The following RETREG1 variants were observed in gnomAD, a reference collection of about 807,000 sequenced individuals.
The protein encoded by RETREG1 is family with sequence similarity 134 member B.
Under a neutral mutation model 54.8 loss-of-function variants are expected in RETREG1, and 44 were observed. That is an observed-to-expected ratio of 0.80 (90% confidence interval 0.63 to 1.03). The LOEUF is 1.03. RETREG1 is among the 50% of genes least tolerant of loss of function. RETREG1 has a pLI of 0.00. For missense variants in RETREG1, 554 were observed against 605.1 expected, an observed-to-expected ratio of 0.92 and a Z score of 0.89; for synonymous variants, 217 against 238.5, an observed-to-expected ratio of 0.91 and a Z score of 0.83.
intron 3 of RETREG1, among the ~76,000 whole-genome samples, chr5:16,542,258 G>A (rs1741271899): frequency 1.3e-5 from 2 of 152,176 alleles, no homozygotes; most frequent in South Asian, 4.1e-4. Flanking sequence ...GAGCTTTAAT[G>A]GTAGAGTTTT....
chr5:16,489,305 A>C (rs1345666537), intron 3 of RETREG1, among the ~76,000 whole-genome samples: 1 of 152,148 alleles, frequency 6.6e-6, no homozygotes, highest in Non-Finnish European at 1.5e-5. Context: ...ATAGTTATCA[A>C]AACAATGTTT....
chr5:16,501,216 T>C (rs1739696455), intron 3 of RETREG1, among the ~76,000 whole-genome samples: 1 of 152,218 alleles, frequency 6.6e-6, no homozygotes, highest in African/African-American at 2.4e-5. Flanking sequence ...ATAAAGTAGG[T>C]ATTATTATGC....
intron 1 of RETREG1, among the ~76,000 whole-genome samples, chr5:16,613,362 A>C (rs1276878431): frequency 6.6e-6 from 1 of 152,210 alleles, no homozygotes; most frequent in East Asian, 1.9e-4. Context: ...ATTCTTATCC[A>C]CTGAGGTTTA....
At chr5:16,507,782 C>T (rs1218071138) in intron 3 of RETREG1, among the ~76,000 whole-genome samples, 2 of 152,172 alleles carry the variant, frequency 1.3e-5, no homozygotes, top group Non-Finnish European at 2.9e-5. Context: ...TAGAGAGTTA[C>T]CAGTTTCCAC....
At chr5:16,598,613 C>T (rs907587413) in intron 1 of RETREG1, among the ~76,000 whole-genome samples, 3 of 152,220 alleles carry the variant, frequency 2.0e-5, no homozygotes, top group Non-Finnish European at 4.4e-5. Context: ...TCTGTTCCTT[C>T]CCATAGTAGC....
chr5:16,586,026 A>G (rs1742617739), intron 1 of RETREG1, among the ~76,000 whole-genome samples: 1 of 152,220 alleles, frequency 6.6e-6, no homozygotes, highest in African/African-American at 2.4e-5. Context: ...TCAGCTAGCC[A>G]TAAGTTAAAT....
chr5:16,564,701 G>A (rs1017519720), intron 3 of RETREG1, among the ~76,000 whole-genome samples: 1 of 152,098 alleles, frequency 6.6e-6, no homozygotes, highest in African/African-American at 2.4e-5. Flanking sequence ...CAGGGATCAC[G>A]TTTCTCTTCT....
chr5:16,518,085 CTATG>C (rs1740415278), intron 3 of RETREG1, among the ~76,000 whole-genome samples: 3 of 147,610 alleles, frequency 2.0e-5, no homozygotes, highest in Admixed American at 6.8e-5. Flanking sequence ...TATCTACATA[CTATG>C]TATATTTATA....
At chr5:16,486,058 A>G (rs950475569) in intron 3 of RETREG1, among the ~76,000 whole-genome samples, 1 of 152,212 alleles carries the variant, frequency 6.6e-6, no homozygotes. Context: ...TTTTTGGGAC[A>G]ATAAATTTCA....
chr5:16,523,746 G>A (rs762663599), intron 3 of RETREG1, among the ~76,000 whole-genome samples: 15 of 151,992 alleles, frequency 9.9e-5, no homozygotes, highest in Non-Finnish European at 1.0e-4. Context: ...AGTATTTGGT[G>A]GCTTGCAAGG....
Position 16,509,137 on chromosome 5 carries a change from C to T in RETREG1, c.459-25665G>A, listed in dbSNP as rs1740087704. The T allele has an allele frequency of 3.6e-6, 2 of 560,970 alleles. 1 individual carries two copies. Among genetic ancestry groups the T allele is most frequent in the South Asian group, 1.5e-4 (2 of 13,074 alleles). 34.7% of individuals were successfully genotyped at this position (560,970 alleles called of 1,614,324 possible). On this transcript the variant is annotated intron_variant, in intron 3 of 8. Coordinates refer to ENST00000306320, the MANE Select transcript of RETREG1 (RefSeq NM_001034850.3). ...CCCTGGGCTATCAAATCTCCTCCTTCAAGTCACAGGAGGGAGTTGGAGAGC... is the reference window on the plus strand; with the variant it reads ...CCCTGGGCTATCAAATCTCCTCCTTTAAGTCACAGGAGGGAGTTGGAGAGC...
At chr5:16,577,551 G>C (rs59179622) in intron 1 of RETREG1, among the ~76,000 whole-genome samples, 4,838 of 152,066 alleles carry the variant, frequency 0.032, 231 homozygotes, top group African/African-American at 0.11. Flanking sequence ...GGAGCTCGTC[G>C]GAAAGGCAGC....
Position 16,616,914 on chromosome 5 carries a change from C to A in RETREG1, c.58G>T (p.Glu20Ter). Residue 20 changes from glutamate to a stop codon, truncating the protein, a stop_gained, in exon 1 of 9, where the codon GAG becomes TAG. Transcript: ENST00000306320. LOFTEE classifies it high-confidence loss of function. The part of the protein sequence containing the change: ...AEEGCPAPAA[E>*]EQAPPSPPPP... ...GGCGGCGACGGCGGCGCCTGCTCCT[C>A]GGCGGCAGGAGCCGGGCATCCCTCC... 6.8e-7 allele frequency: 1 copy of A among 1,477,810 alleles called. No individual in the cohort carries two copies. Among genetic ancestry groups the A allele is most frequent in the Non-Finnish European group, 8.9e-7 (1 of 1,121,484 alleles). The allele number at this position is 1,477,810 out of a possible 1,614,324, so 91.5% of individuals were successfully genotyped here.
At chr5:16,541,564 G>A in intron 3 of RETREG1, among the ~76,000 whole-genome samples, 1 of 152,120 alleles carries the variant, frequency 6.6e-6, no homozygotes, top group African/African-American at 2.4e-5. Context: ...GCAGGCACCT[G>A]TAACCCCAGC....
At chr5:16,482,723 C>T (rs573415395) in intron 4 of RETREG1, among the ~76,000 whole-genome samples, 2 of 152,186 alleles carry the variant, frequency 1.3e-5, no homozygotes, top group East Asian at 1.9e-4. Context: ...GCTATCAAGA[C>T]AGTTGATCAG....
chr5:16,538,879 T>G (rs955558795), intron 3 of RETREG1, among the ~76,000 whole-genome samples: 1 of 152,170 alleles, frequency 6.6e-6, no homozygotes, highest in Non-Finnish European at 1.5e-5. Context: ...TAATTTTTTG[T>G]ATTTTTAGTA....
At chr5:16,601,458 G>A (rs1193460399) in intron 1 of RETREG1, among the ~76,000 whole-genome samples, 4 of 150,728 alleles carry the variant, frequency 2.7e-5, no homozygotes, top group Non-Finnish European at 5.9e-5. Context: ...GTGCAATGGC[G>A]TGATCTCAGC....
chr5:16,599,606 A>G (rs1579720693), intron 1 of RETREG1, among the ~76,000 whole-genome samples: 2 of 152,158 alleles, frequency 1.3e-5, no homozygotes, highest in South Asian at 4.1e-4. Context: ...TCAATTACTG[A>G]GCACCTACCA....
chr5:16,552,197 T>C (rs1010486637), intron 3 of RETREG1, among the ~76,000 whole-genome samples: 8 of 152,222 alleles, frequency 5.3e-5, no homozygotes, highest in African/African-American at 1.9e-4. Flanking sequence ...CTACTGCTCT[T>C]GTACACTCTT....
Sources: allele counts gnomAD v4.1 joint callset (sites outside exome capture counted in the v4.1 genomes callset), GRCh38; gene constraint gnomAD v4.1.1; transcripts MANE v1.5; gene names NCBI Gene and HGNC (gene_info 2026-07-23, HGNC 2026-07-21).